The following ZNF577 variants were observed in gnomAD, a reference collection of about 807,000 sequenced individuals.
ZNF577 encodes zinc finger protein 577.
Under a neutral mutation model 13.9 loss-of-function variants are expected in ZNF577, and 14 were observed. The observed-to-expected ratio is 1.00, with a 90% confidence interval of 0.66 to 1.57. The LOEUF (loss-of-function observed/expected upper bound fraction) is 1.57, where lower values mean the gene tolerates loss of function less well. ZNF577 is among the 40% of genes most tolerant of loss of function. The probability of loss-of-function intolerance (pLI) is 0.00; values close to 1 mark genes in which losing one functional copy is unlikely to be tolerated. For synonymous variants in ZNF577, 203 were observed against 202.9 expected, an observed-to-expected ratio of 1.00 and a Z score of 0.00; for missense variants, 555 against 579.2, an observed-to-expected ratio of 0.96 and a Z score of 0.43.
At chr19:51,876,175 G>T (rs6509589) in intron 5 of ZNF577, among the ~76,000 whole-genome samples, 14,980 of 152,188 alleles carry the variant, frequency 0.098, 1,373 homozygotes, top group South Asian at 0.25. Flanking sequence ...GGAGATATCT[G>T]CATGAAGCTA....
downstream of ZNF577, chr19:51,862,895 T>C (rs1241092185): frequency 6.6e-6 from 1 of 152,452 alleles, no homozygotes; most frequent in Non-Finnish European, 1.5e-5. Flanking sequence ...TCACATACTT[T>C]GCAAATGAAC....
intron 9 of ZNF577, among the ~76,000 whole-genome samples, chr19:51,819,581 C>T (rs2084172749): frequency 6.6e-6 from 1 of 152,068 alleles, no homozygotes; most frequent in Non-Finnish European, 1.5e-5. Context: ...GAGAAAGGTC[C>T]ACTGGATTTG....
chr19:51,884,462 G>T (rs1197165076), intron 1 of ZNF577, among the ~76,000 whole-genome samples: 2 of 151,782 alleles, frequency 1.3e-5, no homozygotes, highest in Non-Finnish European at 2.9e-5. Context: ...CTAAGTTATG[G>T]GTAAATATTA....
chr19:51,825,868 GA>G (rs987078190), intron 9 of ZNF577: 1 of 167,064 alleles, frequency 6.0e-6, no homozygotes, highest in Admixed American at 6.5e-5. Flanking sequence ...ACAAAGTGGG[GA>G]TATTTGTAAG....
At chr19:51,819,057 A>T (rs1221351813) in intron 9 of ZNF577, among the ~76,000 whole-genome samples, 1 of 152,214 alleles carries the variant, frequency 6.6e-6, no homozygotes, top group Admixed American at 6.5e-5. Context: ...CTGTAGATAT[A>T]ATCAATAGGA....
chr19:51,831,375 C>A lies in ZNF577; in HGVS notation c.*599+8518G>T, dbSNP rs557955518. ...CAAGTGATCCACCTGCCTTGGCCTC[C>A]CAAAGTGCAAGGATTACAAGCATGA... On this transcript the variant is annotated intron_variant and NMD_transcript_variant, in intron 9 of 10. Transcript: ENST00000638827. Among the ~76,000 whole-genome samples the A allele has an allele frequency of 2.0e-5, 3 of 152,256 alleles. No homozygotes were observed. The East Asian group carries it at 5.8e-4, about 29-fold the overall frequency.
At position 51,867,508 on chromosome 19, in the gene ZNF577, C is replaced by G. The variant is rs1372784396; in HGVS notation, c.*5024G>C. 6.6e-6 allele frequency among the ~76,000 whole-genome samples: 1 copy of G among 151,900 alleles called. No individual in the cohort carries two copies. The highest frequency in any genetic ancestry group is 6.6e-5 in the Admixed American group (1 of 15,258). ...ACACAAAGCTGGCCAGGCGCGGTGG[C>G]TCACACCTGTAATCCCAGCACTTTG... On this transcript the variant is annotated 3_prime_UTR_variant, in exon 6 of 6. Transcript: ENST00000638348.
rs1188659710 is a variant in ZNF577, at chr19:51,873,334, C to T, written c.656G>A (p.Cys219Tyr). Residue 219 changes from cysteine to tyrosine, a missense_variant, in exon 6 of 6, where the codon TGT becomes TAT. By Grantham distance (194) the Cys-to-Tyr change is radical. Transcript: ENST00000638348. ...TGACTTTCTGGAGAAGGCTTTTCCA[C>T]ATTCACTACATTCATGGGGCTTCTC... ...TGEKPHECSECGKAFSRKSQL... is the reference protein window; with the variant it reads ...TGEKPHECSEYGKAFSRKSQL... 3 of 1,614,238 alleles carry T rather than the reference C, an allele frequency of 1.9e-6. No homozygotes were observed. The highest frequency in any genetic ancestry group is 2.7e-5 in the African/African-American group (2 of 75,060).
At chr19:51,856,705 A>AT (rs1277874559) in intron 5 of ZNF577, among the ~76,000 whole-genome samples, 1 of 152,076 alleles carries the variant, frequency 6.6e-6, no homozygotes, top group Non-Finnish European at 1.5e-5. Flanking sequence ...TTTTTTCACC[A>AT]TTTAAGACGA....
chr19:51,859,280 G>A (rs142165932), intron 5 of ZNF577, among the ~76,000 whole-genome samples: 36 of 152,080 alleles, frequency 2.4e-4, no homozygotes, highest in African/African-American at 8.0e-4. Context: ...ATGCTATTTT[G>A]GCTATTGTGA....
intron 9 of ZNF577, among the ~76,000 whole-genome samples, chr19:51,822,703 T>C (rs1359784675): frequency 6.6e-6 from 1 of 152,168 alleles, no homozygotes; most frequent in Non-Finnish European, 1.5e-5. Context: ...CTACAAATAC[T>C]AGCTAAATAT....
At chr19:51,813,340 G>T (rs982135364) in intron 9 of ZNF577, among the ~76,000 whole-genome samples, 2 of 151,962 alleles carry the variant, frequency 1.3e-5, no homozygotes, top group Non-Finnish European at 2.9e-5. Context: ...CTACCTATGA[G>T]GGCAGAACAA....
intron 5 of ZNF577, among the ~76,000 whole-genome samples, chr19:51,848,633 A>AC (rs1192073802): frequency 6.6e-6 from 1 of 152,178 alleles, no homozygotes; most frequent in Non-Finnish European, 1.5e-5. Context: ...TGTGGAGCAG[A>AC]CACGGGCAAC....
At chr19:51,823,145 G>A (rs766679367) in intron 9 of ZNF577, among the ~76,000 whole-genome samples, 1 of 152,120 alleles carries the variant, frequency 6.6e-6, no homozygotes, top group African/African-American at 2.4e-5. Flanking sequence ...TTACAGGCAT[G>A]AGTCACCACG....
intron 5 of ZNF577, among the ~76,000 whole-genome samples, chr19:51,855,399 G>GTGTGTA (rs1555745586): frequency 5.2e-4 from 74 of 142,584 alleles, no homozygotes; most frequent in African/African-American, 2.0e-3. Flanking sequence ...GTGTGTGTGT[G>GTGTGTA]TGTGTGTGTC....
At chr19:51,881,092 TG>T (rs1464834168) in intron 1 of ZNF577, among the ~76,000 whole-genome samples, 2 of 151,742 alleles carry the variant, frequency 1.3e-5, no homozygotes, top group Non-Finnish European at 2.9e-5. Flanking sequence ...AGAAATAGAG[TG>T]GATGTGAAAC....
At chr19:51,850,914 G>A (rs2084375980) in intron 5 of ZNF577, among the ~76,000 whole-genome samples, 2 of 152,138 alleles carry the variant, frequency 1.3e-5, no homozygotes, top group Admixed American at 1.3e-4. Flanking sequence ...AAAATTTAAA[G>A]ATACAAAACA....
At chr19:51,861,724 C>A (rs8108583) in intron 5 of ZNF577, 40,839 of 152,216 alleles carry the variant, frequency 0.27, 7,754 homozygotes, top group African/African-American at 0.53. Flanking sequence ...ATCTATAGGG[C>A]CTCTTTCCTG....
chr19:51,806,388 C>T (rs2084059022), intron 10 of ZNF577, among the ~76,000 whole-genome samples: 1 of 152,220 alleles, frequency 6.6e-6, no homozygotes, highest in South Asian at 2.1e-4. Flanking sequence ...TTCCATAACA[C>T]TTTCAGATAA....
Sources: allele counts gnomAD v4.1 joint callset (sites outside exome capture counted in the v4.1 genomes callset), GRCh38; gene constraint gnomAD v4.1.1; transcripts MANE v1.5; gene names NCBI Gene and HGNC (gene_info 2026-07-23, HGNC 2026-07-21).